Variants in OVCH1 observed in about 807,000 individuals in gnomAD.
OVCH1 encodes the protein ovochymase-1.
Under a neutral mutation model 138.4 loss-of-function variants are expected in OVCH1, and 139 were observed. The ratio of observed to expected loss-of-function variants is 1.00; its 90% CI spans 0.87 to 1.16. The LOEUF is 1.16. OVCH1 is among the 50% of genes most tolerant of loss of function. The pLI, the probability that OVCH1 is intolerant of heterozygous loss-of-function variation, is 0.00. For synonymous variants in OVCH1, 453 were observed against 467.8 expected (o/e 0.97, Z 0.41); for missense variants, 1,367 against 1,357.9 (o/e 1.01, Z -0.11).
chr12:29,449,036 A>G (rs970024967), intron 22 of OVCH1, among the ~76,000 whole-genome samples: 3 of 152,264 alleles, frequency 2.0e-5, no homozygotes, highest in Middle Eastern at 3.4e-3. Flanking sequence ...GAACAAAAAG[A>G]GGTTTCTCTG....
At chr12:29,416,078 CAAAAAA>C (rs35897065) in intron 3 of OVCH1, among the ~76,000 whole-genome samples, 1 of 145,752 alleles carries the variant, frequency 6.9e-6, no homozygotes, top group Non-Finnish European at 1.5e-5. Flanking sequence ...ACAAAAAAAG[CAAAAAA>C]AAAAGGAAAA....
chr12:29,418,957 C>G (rs1157777508), intron 3 of OVCH1, among the ~76,000 whole-genome samples: 1 of 152,146 alleles, frequency 6.6e-6, no homozygotes, highest in Non-Finnish European at 1.5e-5. Flanking sequence ...TCTGGGCTCA[C>G]GTGATTCTGT....
At chr12:29,447,746 A>G (rs188692891) in intron 22 of OVCH1, among the ~76,000 whole-genome samples, 1 of 151,428 alleles carries the variant, frequency 6.6e-6, no homozygotes, top group East Asian at 1.9e-4. Flanking sequence ...AGAGAGATCA[A>G]AGCTACTAAT....
At chr12:29,491,297 A>C (rs1371579012) in intron 4 of OVCH1, 105 bp from the exon 5 acceptor site, 8 of 937,436 alleles carry the variant, frequency 8.5e-6, no homozygotes, top group Non-Finnish European at 1.3e-5. Context: ...CTTTCTTCCT[A>C]AATGTAATGG....
intron 6 of OVCH1, among the ~76,000 whole-genome samples, chr12:29,488,626 A>AAAAAAAAAAAAAAAAAAC: frequency 6.7e-6 from 1 of 150,202 alleles, no homozygotes; most frequent in East Asian, 1.9e-4. Context: ...ATCTCAAAAA[A>AAAAAAAAAAAAAAAAAAC]AAAAAAAAAA....
chr12:29,430,956 T>C (rs1398778679), intron 27 of OVCH1: 10 of 514,764 alleles, frequency 1.9e-5, no homozygotes, highest in South Asian at 1.1e-4. Context: ...AACGGTTTGC[T>C]AAGGCACCAA....
At chr12:29,429,072 C>T (rs1221529499) in intron 27 of OVCH1, among the ~76,000 whole-genome samples, 4 of 152,142 alleles carry the variant, frequency 2.6e-5, no homozygotes, top group Admixed American at 6.5e-5. Flanking sequence ...CACCACTCAT[C>T]GGTAAAGATT....
At chr12:29,435,588 C>T (rs564801300) in intron 26 of OVCH1, among the ~76,000 whole-genome samples, 2 of 152,052 alleles carry the variant, frequency 1.3e-5, no homozygotes, top group Admixed American at 6.5e-5. Context: ...TCTCCTGACC[C>T]CGTGATCCGC....
intron 13 of OVCH1, 131 bp from the exon 14 acceptor site, chr12:29,475,320 C>T: frequency 1.7e-6 from 1 of 598,188 alleles, no homozygotes; most frequent in Non-Finnish European, 2.7e-6. Context: ...TGCACCCTTA[C>T]ATCTCATGTG....
At chr12:29,487,974 G>GA (rs1350551216) in intron 6 of OVCH1, 92 bp from the exon 7 acceptor site, 1 of 1,273,214 alleles carries the variant, frequency 7.9e-7, no homozygotes, top group Non-Finnish European at 1.1e-6. Context: ...ATCACAAAGT[G>GA]AAAAGAGGTA....
In OVCH1 at chr12:29,486,314, G is replaced by A. The variant is rs531266962; in HGVS notation, c.927C>T (p.Gly309=). 6 of 1,613,746 alleles carry A rather than the reference G, an allele frequency of 3.7e-6. No homozygotes were observed. The African/African-American group carries it at 6.7e-5, about 18-fold the overall frequency. The change falls in exon 8 of 28, where the codon GGC becomes GGT. Residue 309 remains glycine (G), a synonymous_variant. Coordinates refer to ENST00000318184, the Ensembl canonical transcript of OVCH1. ...TCAGGGCCTTTGTTATATACCTTGA[G>A]CCCACTTTTGAGAGGGGTTGGCCCC... is the stretch of plus-strand genomic sequence containing the variant.
intron 19 of OVCH1, among the ~76,000 whole-genome samples, chr12:29,460,761 CCCTGTACCATCTCCTCCCTTT>C (rs1441350969): frequency 1.3e-5 from 2 of 151,970 alleles, no homozygotes; most frequent in Non-Finnish European, 2.9e-5. Context: ...GCCTTCCCTT[CCCTGTACCATCTCCTCCCTTT>C]CCTACTGGTG....
intron 1 of OVCH1, 114 bp downstream of exon 1, chr12:29,497,509 G>A: frequency 3.3e-6 from 4 of 1,196,204 alleles, no homozygotes; most frequent in Middle Eastern, 2.0e-4. Context: ...CTTCCCAAAT[G>A]CCTCAGGTGT....
chr12:29,427,765 T>C (rs1941202936), intron 27 of OVCH1: 4 of 1,348,850 alleles, frequency 3.0e-6, no homozygotes, highest in Non-Finnish European at 3.9e-6. Context: ...AACAGGGGTC[T>C]ATATTCATTA....
At chr12:29,478,670 G>GT (rs1024780374) in intron 9 of OVCH1, among the ~76,000 whole-genome samples, 165 bp downstream of exon 10, 1 of 151,686 alleles carries the variant, frequency 6.6e-6, no homozygotes, top group Non-Finnish European at 1.5e-5. Flanking sequence ...TTTTATTTTT[G>GT]TTTTTTTGAG....
intron 17 of OVCH1, 24 bp downstream of exon 17, chr12:29,465,123 T>A: frequency 6.4e-7 from 1 of 1,563,782 alleles, no homozygotes; most frequent in Non-Finnish European, 8.7e-7. Flanking sequence ...ACAGGCAGAA[T>A]GACCTGTAAA....
chr12:29,430,443 A>C (rs577418584), intron 27 of OVCH1, among the ~76,000 whole-genome samples: 1 of 152,268 alleles, frequency 6.6e-6, no homozygotes, highest in East Asian at 1.9e-4. Context: ...GGGCAGGGCT[A>C]AGTGTGTCTG....
intron 27 of OVCH1, among the ~76,000 whole-genome samples, chr12:29,430,360 C>G (rs546480791): frequency 6.6e-6 from 1 of 152,156 alleles, no homozygotes; most frequent in Non-Finnish European, 1.5e-5. Flanking sequence ...AGGTGATAGG[C>G]GGGCCCCTAG....
intron 26 of OVCH1, among the ~76,000 whole-genome samples, chr12:29,436,898 T>G (rs1941372444): frequency 6.6e-6 from 1 of 152,136 alleles, no homozygotes; most frequent in African/African-American, 2.4e-5. Flanking sequence ...GAACAAAGCT[T>G]CCACAGCATG....
Sources: gnomAD v4.1 joint callset for allele counts (sites outside exome capture counted in the v4.1 genomes callset) on GRCh38, gnomAD v4.1.1 for gene constraint, MANE v1.5 for transcripts, NCBI Gene and HGNC (gene_info 2026-07-23, HGNC 2026-07-21) for gene names.